The following MRC1 variants were observed in gnomAD, a reference collection of about 807,000 sequenced individuals.
The protein encoded by MRC1 is mannose receptor C-type 1, also known as macrophage mannose receptor 1.
MRC1 carries 62 observed loss-of-function variants against 102.9 expected under a neutral mutation model. That is an observed-to-expected ratio of 0.60 (90% CI 0.49 to 0.74). The LOEUF is 0.74. MRC1 is among the 30% of genes least tolerant of loss of function. MRC1 has a pLI of 0.00. For synonymous variants in MRC1, 457 were observed against 298.4 expected, an observed-to-expected ratio of 1.53 and a Z score of -5.48; for missense variants, 1,237 against 862.8, an observed-to-expected ratio of 1.43 and a Z score of -5.43.
At chr10:17,851,039 A>T (rs1326185885) in intron 7 of MRC1, among the ~76,000 whole-genome samples, 1 of 152,232 alleles carries the variant, frequency 6.6e-6, no homozygotes, top group African/African-American at 2.4e-5. Flanking sequence ...TCTGAATAAC[A>T]ATTACTTAAA....
chr10:17,875,977 G>A (rs996333417), intron 17 of MRC1, among the ~76,000 whole-genome samples: 7 of 152,244 alleles, frequency 4.6e-5, no homozygotes, highest in Non-Finnish European at 7.4e-5. Context: ...GTAAAGTGGT[G>A]TCACATTGTG....
chr10:17,908,705 A>AT (rs1300005127), intron 28 of MRC1, among the ~76,000 whole-genome samples: 47 of 152,132 alleles, frequency 3.1e-4, no homozygotes, highest in Non-Finnish European at 1.2e-4. Context: ...AGTAGCTGGG[A>AT]TTACAGGCGC....
chr10:17,836,297 G>A (rs1353061198), intron 4 of MRC1, among the ~76,000 whole-genome samples: 1 of 152,180 alleles, frequency 6.6e-6, no homozygotes, highest in Non-Finnish European at 1.5e-5. Context: ...CATAGTCTTA[G>A]AGATAGGGTT....
chr10:17,906,899 T>A lies in MRC1; in HGVS notation c.3813T>A (p.Val1271=). 1.3e-6 allele frequency: 1 copy of A among 790,832 alleles called. No individual in the cohort carries two copies. The highest frequency in any genetic ancestry group is 2.3e-6 in the Non-Finnish European group (1 of 427,160). 49.0% of individuals were successfully genotyped at this position (790,832 alleles called of 1,614,324 possible). The change falls in exon 27 of 30, where the codon GTT becomes GTA. Residue 1271 remains valine (V), a synonymous_variant. Transcript: ENST00000569591. ...LECLRMGSSL[V]SIESAAESSF... ...TACGCTTTCTAGGTTCCTCTCTGGT[T>A]TCCATTGAAAGTGCTGCAGAATCCA...
chr10:17,815,466 G>A (rs1244709926), intron 1 of MRC1, among the ~76,000 whole-genome samples: 2 of 152,188 alleles, frequency 1.3e-5, no homozygotes, highest in Non-Finnish European at 2.9e-5. Flanking sequence ...TGAAGAAATA[G>A]GAGTGAGAGC....
At chr10:17,863,098 C>T (rs911115140) in intron 10 of MRC1, 16,872 of 159,582 alleles carry the variant, frequency 0.11, 1,096 homozygotes, top group Non-Finnish European at 0.15. Flanking sequence ...GCAGATTATT[C>T]CATGAGTATT....
At chr10:17,810,852 G>A (rs1838209724) in intron 1 of MRC1, among the ~76,000 whole-genome samples, 1 of 152,190 alleles carries the variant, frequency 6.6e-6, no homozygotes, top group African/African-American at 2.4e-5. Context: ...CAGTGCAGTG[G>A]CATGATCTTG....
intron 7 of MRC1, 123 bp downstream of exon 7, chr10:17,849,887 A>G: frequency 1.6e-6 from 1 of 612,510 alleles, no homozygotes; most frequent in Non-Finnish European, 3.0e-6. Flanking sequence ...AATTCAACGA[A>G]CAACGTATGA....
intron 6 of MRC1, among the ~76,000 whole-genome samples, chr10:17,849,348 C>G (rs1359517226): frequency 6.6e-6 from 1 of 150,408 alleles, no homozygotes; most frequent in Non-Finnish European, 1.5e-5. Context: ...AAGGTGATTT[C>G]CCATTTGATT....
At position 17,827,682 on chromosome 10, in the gene MRC1, A is replaced by G. The variant is rs1250849649; in HGVS notation, c.604A>G (p.Thr202Ala). Residue 202 changes from threonine (T) to alanine (A), a missense_variant, in exon 3 of 30, where the codon ACA becomes GCA. Thr to Ala is a moderately conservative substitution (Grantham distance 58). Coordinates refer to ENST00000569591, the MANE Select transcript of MRC1 (RefSeq NM_002438.4). ...LWCGTTTDYD[T>A]DKLFGYCPLK... ...GTGCGGAACCACTACTGACTATGAC[A>G]CAGACAAGCTATTTGGATATTGTCC... 1.3e-6 allele frequency: 1 copy of G among 780,786 alleles called. No individual in the cohort carries two copies. The highest frequency in any genetic ancestry group is 2.4e-6 in the Non-Finnish European group (1 of 417,984). 48.4% of individuals were successfully genotyped at this position (780,786 alleles called of 1,614,324 possible). A position where few individuals can be genotyped will look rare whatever the true frequency, so the allele number is the denominator to read the frequency against.
chr10:17,909,006 A>T (rs2044208), intron 28 of MRC1, among the ~76,000 whole-genome samples: 6 of 152,192 alleles, frequency 3.9e-5, no homozygotes, highest in Admixed American at 3.3e-4. Flanking sequence ...CAGTGGCTCA[A>T]ATGTAACTTG....
Position 17,809,526 on chromosome 10 carries a change from G to A in MRC1, c.61G>A (p.Asp21Asn), listed in dbSNP as rs1838190915. ...SVIPGAVLLL[D>N]TRQFLIYNED... is the part of the protein sequence containing the mutation. ...CATTCCGGGTGCTGTTCTCCTACTG[G>A]GTAAGTCTGCTCTGAGGCAGGGGAT... Residue 21 changes from aspartate to asparagine, a missense_variant and splice_region_variant, in exon 1 of 30, where the codon GAC becomes AAC. Physicochemically the swap from Asp to Asn is conservative, Grantham distance 23. Transcript: ENST00000569591. 1 of 872,732 alleles carries A rather than the reference G, an allele frequency of 1.1e-6. No homozygotes were observed. The highest frequency in any genetic ancestry group is 2.0e-6 in the Non-Finnish European group (1 of 501,514). The allele number at this position is 872,732 out of a possible 1,614,324, so 54.1% of individuals were successfully genotyped here. A position where few individuals can be genotyped will look rare whatever the true frequency, so the allele number is the denominator to read the frequency against.
At chr10:17,899,750 G>A (rs1221408501) in intron 24 of MRC1, among the ~76,000 whole-genome samples, 3 of 152,034 alleles carry the variant, frequency 2.0e-5, no homozygotes, top group East Asian at 3.9e-4. Context: ...ATATTTTGAT[G>A]TTTATCAATA....
At chr10:17,862,285 T>C (rs902478770) in intron 10 of MRC1, among the ~76,000 whole-genome samples, 1 of 152,320 alleles carries the variant, frequency 6.6e-6, no homozygotes, top group Non-Finnish European at 1.5e-5. Context: ...AAAAGAACTG[T>C]ATTTCTATCC....
intron 4 of MRC1, among the ~76,000 whole-genome samples, chr10:17,836,522 T>C (rs1208198156): frequency 6.6e-6 from 1 of 152,110 alleles, no homozygotes; most frequent in African/African-American, 2.4e-5. Flanking sequence ...TGGGCAGACT[T>C]GCAGGCACGA....
At chr10:17,827,831 A>T in intron 3 of MRC1, 116 bp downstream of exon 3, 2 of 734,420 alleles carry the variant, frequency 2.7e-6, no homozygotes, top group Non-Finnish European at 2.5e-6. Context: ...TTACGACCTC[A>T]TTGTACCTAC....
At chr10:17,854,346 G>C (rs1204809272) in intron 8 of MRC1, among the ~76,000 whole-genome samples, 2 of 152,148 alleles carry the variant, frequency 1.3e-5, no homozygotes, top group Non-Finnish European at 2.9e-5. Flanking sequence ...GTTTATTTTT[G>C]TCACTGTGGC....
chr10:17,812,262 C>T (rs1345318235), intron 1 of MRC1, among the ~76,000 whole-genome samples: 1 of 152,118 alleles, frequency 6.6e-6, no homozygotes, highest in African/African-American at 2.4e-5. Flanking sequence ...TAGCACTCAG[C>T]AGCAAGGTTT....
intron 23 of MRC1, 46 bp downstream of exon 23, chr10:17,894,358 T>C: frequency 1.2e-6 from 1 of 840,992 alleles, no homozygotes; most frequent in Non-Finnish European, 2.1e-6. Context: ...TGGGGTTTTT[T>C]TTTCCCCACT....
Sources: gnomAD v4.1 joint callset for allele counts (sites outside exome capture counted in the v4.1 genomes callset) on GRCh38, gnomAD v4.1.1 for gene constraint, MANE v1.5 for transcripts, NCBI Gene and HGNC (gene_info 2026-07-23, HGNC 2026-07-21) for gene names.